Variants in LTBP2 observed in about 807,000 individuals in gnomAD.
The protein encoded by LTBP2 is latent transforming growth factor beta binding protein 2, also known as latent-transforming growth factor beta-binding protein 2.
In LTBP2, 103 loss-of-function variants were observed where a neutral mutation model predicts 210.6. The ratio of observed to expected loss-of-function variants is 0.49; its 90% confidence interval spans 0.42 to 0.58. The LOEUF is 0.58. LTBP2 is among the 20% of genes least tolerant of loss of function. The pLI is 0.00. For synonymous variants in LTBP2, 1,007 were observed against 1,015.0 expected (o/e 0.99, Z 0.15); for missense variants, 2,313 against 2,494.5 (o/e 0.93, Z 1.55).
At chr14:74,501,922 C>T (rs1037572513) in intron 34 of LTBP2, 12 of 406,054 alleles carry the variant, frequency 3.0e-5, no homozygotes, top group East Asian at 2.5e-4. Flanking sequence ...TGGGTTTGGG[C>T]GTGGGGAAGG....
intron 17 of LTBP2, among the ~76,000 whole-genome samples, chr14:74,520,996 G>A (rs1323543300): frequency 6.6e-6 from 1 of 152,268 alleles, no homozygotes; most frequent in Admixed American, 6.5e-5. Flanking sequence ...CAACGCATGA[G>A]AGCATAATGA....
At chr14:74,529,301 G>A (rs922926408) in intron 10 of LTBP2, among the ~76,000 whole-genome samples, 179 bp from the exon 11 acceptor site, 6 of 152,250 alleles carry the variant, frequency 3.9e-5, no homozygotes, top group East Asian at 1.9e-4. Context: ...AGGAAGAGGC[G>A]TAGTGGAATG....
chr14:74,506,896 C>T, intron 26 of LTBP2, 73 bp from the exon 27 acceptor site: 3 of 1,591,008 alleles, frequency 1.9e-6, no homozygotes, highest in Non-Finnish European at 2.6e-6. Context: ...CGCGTGTGTG[C>T]TCACTCTCTC....
intron 15 of LTBP2, among the ~76,000 whole-genome samples, chr14:74,523,307 C>T (rs918236036): frequency 6.6e-6 from 1 of 152,148 alleles, no homozygotes; most frequent in African/African-American, 2.4e-5. Flanking sequence ...GACAGACAGA[C>T]CTGGTGAGTA....
intron 8 of LTBP2, among the ~76,000 whole-genome samples, chr14:74,541,981 G>C (rs1374520913): frequency 2.0e-5 from 3 of 152,170 alleles, no homozygotes; most frequent in Non-Finnish European, 4.4e-5. Flanking sequence ...GAGACCTGGG[G>C]AGAGAGAGTG....
intron 30 of LTBP2, among the ~76,000 whole-genome samples, chr14:74,504,426 T>C (rs1370258225): frequency 6.6e-6 from 1 of 152,216 alleles, no homozygotes. Context: ...GCCTCATCAG[T>C]GCGGCCAGGG....
chr14:74,541,981 G>T (rs1374520913), intron 8 of LTBP2, among the ~76,000 whole-genome samples: 1 of 152,170 alleles, frequency 6.6e-6, no homozygotes, highest in Non-Finnish European at 1.5e-5. Context: ...GAGACCTGGG[G>T]AGAGAGAGTG....
At chr14:74,601,546 T>C (rs1438557211) in intron 2 of LTBP2, among the ~76,000 whole-genome samples, 1 of 152,188 alleles carries the variant, frequency 6.6e-6, no homozygotes, top group Non-Finnish European at 1.5e-5. Context: ...GTTGTTTGTT[T>C]TTGAGTTTTT....
chr14:74,524,278 A>G (rs529282053), intron 15 of LTBP2, among the ~76,000 whole-genome samples: 28 of 152,230 alleles, frequency 1.8e-4, no homozygotes, highest in African/African-American at 6.7e-4. Flanking sequence ...CAGAGGAGAG[A>G]GGTCCCAGGA....
intron 4 of LTBP2, among the ~76,000 whole-genome samples, chr14:74,553,709 G>T (rs919264518): frequency 6.6e-6 from 1 of 152,108 alleles, no homozygotes; most frequent in Non-Finnish European, 1.5e-5. Context: ...CACCTGGGAG[G>T]TCATGGCAGC....
At chr14:74,534,356 C>T (rs1486949592) in intron 9 of LTBP2, among the ~76,000 whole-genome samples, 1 of 152,226 alleles carries the variant, frequency 6.6e-6, no homozygotes, top group South Asian at 2.1e-4. Flanking sequence ...CGTGTGTACA[C>T]AGGCCACGTA....
Position 74,508,076 on chromosome 14 carries a change from G to A in LTBP2, c.3672C>T (p.Thr1224=). 1 of 1,613,886 alleles carries A rather than the reference G, an allele frequency of 6.2e-7. No homozygotes were observed. Among genetic ancestry groups the A allele is most frequent in the Non-Finnish European group, 8.5e-7 (1 of 1,180,022 alleles). The change falls in exon 25 of 36, where the codon ACC becomes ACT. Residue 1224 remains threonine, a synonymous_variant. Coordinates refer to ENST00000261978, the MANE Select transcript of LTBP2 (RefSeq NM_000428.3). ...TSCQDVDECA[T]TDPCVGGHCV... is the part of the protein sequence containing the mutation. ...AGTGCCCTCCCACACACGGGTCTGT[G>A]GTGGCACACTCGTCCACATCTAGAG...
chr14:74,603,167 G>T (rs149974171), intron 2 of LTBP2, among the ~76,000 whole-genome samples: 1 of 152,026 alleles, frequency 6.6e-6, no homozygotes, highest in Non-Finnish European at 1.5e-5. Flanking sequence ...TCGCTCTGTC[G>T]CCCAGTCTGG....
intron 3 of LTBP2, among the ~76,000 whole-genome samples, chr14:74,580,289 G>A (rs544984327): frequency 4.6e-5 from 7 of 152,214 alleles, no homozygotes; most frequent in South Asian, 2.1e-4. Context: ...TCCTAACCCC[G>A]GACCTATGAA....
At chr14:74,528,451 A>G (rs779079848) in intron 12 of LTBP2, 32 bp downstream of exon 12, 6 of 1,609,766 alleles carry the variant, frequency 3.7e-6, no homozygotes, top group African/African-American at 1.3e-5. Context: ...GGGAAAGGAA[A>G]ATCCCTCAGG....
chr14:74,598,578 A>G (rs1027535005), intron 2 of LTBP2, among the ~76,000 whole-genome samples: 6 of 152,356 alleles, frequency 3.9e-5, no homozygotes, highest in Admixed American at 2.0e-4. Flanking sequence ...ACATGTATAG[A>G]GTGCATCGCA....
chr14:74,503,400 G>C lies in LTBP2; in HGVS notation c.4721-14C>G. 1 of 1,611,006 alleles carries C rather than the reference G, an allele frequency of 6.2e-7. No homozygotes were observed. Among genetic ancestry groups the C allele is most frequent in the South Asian group, 1.1e-5 (1 of 90,838 alleles). ...CAGGGAGGTCCTCTGGTGGCACAGG[G>C]CACGGAGGCACATGAGCCCCCCAGC... On this transcript the variant is annotated splice_polypyrimidine_tract_variant and intron_variant, in intron 32 of 35. Transcript: ENST00000261978.
At chr14:74,547,678 C>T (rs971272662) in intron 8 of LTBP2, among the ~76,000 whole-genome samples, 1 of 152,086 alleles carries the variant, frequency 6.6e-6, no homozygotes, top group African/African-American at 2.4e-5. Context: ...GAAAAGCCAG[C>T]TCCCTCCTAG....
intron 1 of LTBP2, among the ~76,000 whole-genome samples, chr14:74,604,178 A>AAAAC (rs2088491242): frequency 6.6e-6 from 1 of 151,278 alleles, no homozygotes. Flanking sequence ...AAAAAAAAAA[A>AAAAC]AAAAAACCAC....
Sources: allele counts gnomAD v4.1 joint callset (sites outside exome capture counted in the v4.1 genomes callset), GRCh38; gene constraint gnomAD v4.1.1; transcripts MANE v1.5; gene names NCBI Gene and HGNC (gene_info 2026-07-23, HGNC 2026-07-21).